Variants in KMT2E observed in about 807,000 individuals in gnomAD.
KMT2E encodes the protein lysine methyltransferase 2E (inactive).
A neutral mutation model predicts 184.6 loss-of-function variants in KMT2E; 30 were observed. The observed-to-expected ratio is 0.16, with a 90% CI of 0.12 to 0.22. KMT2E has a LOEUF of 0.22. Ranked by LOEUF, KMT2E falls within the 10% of genes least tolerant of loss-of-function variation. KMT2E has a pLI of 1.00. For missense variants in KMT2E, 2,023 were observed against 2,237.4 expected, an observed-to-expected ratio of 0.90 and a Z score of 1.93; for synonymous variants, 815 against 776.5, an observed-to-expected ratio of 1.05 and a Z score of -0.82.
chr7:105,076,625 C>T (rs2129568079), intron 9 of KMT2E, among the ~76,000 whole-genome samples: 1 of 152,328 alleles, frequency 6.6e-6, no homozygotes, highest in Non-Finnish European at 1.5e-5. Flanking sequence ...TCGCCTCTGT[C>T]TGACCCCAAA....
intron 6 of KMT2E, among the ~76,000 whole-genome samples, chr7:105,071,606 AT>A (rs1797316692): frequency 1.7e-5 from 1 of 58,714 alleles, no homozygotes; most frequent in Non-Finnish European, 3.0e-5. Flanking sequence ...ATATATATAT[AT>A]ATTTTTTTTT....
chr7:105,043,479 AC>A (rs1562887547), intron 3 of KMT2E, among the ~76,000 whole-genome samples: 1 of 151,212 alleles, frequency 6.6e-6, no homozygotes, highest in African/African-American at 2.4e-5. Context: ...CTCGTGATCC[AC>A]CCGCCTCGGC....
chr7:105,074,833 T>A lies in KMT2E; in HGVS notation c.729+18T>A, dbSNP rs749298914. 13 of 1,581,506 alleles carry A rather than the reference T, an allele frequency of 8.2e-6. No individual in the cohort carries two copies. The highest frequency in any genetic ancestry group is 1.8e-5 in the Admixed American group (1 of 55,640). ...GTAAAAAGGTACGTTTTTGCTTGTT[T>A]TTAGGTGAGTGGATAGGATAGCGGA... On this transcript the variant is annotated intron_variant, in intron 8 of 26. Transcript: ENST00000311117.
At chr7:105,087,780 T>TCATACC (rs1798043532) in intron 13 of KMT2E, among the ~76,000 whole-genome samples, 1 of 151,312 alleles carries the variant, frequency 6.6e-6, no homozygotes, top group African/African-American at 2.4e-5. Context: ...AATTGCCTGA[T>TCATACC]CATATCATCT....
At chr7:105,044,186 G>A (rs1267888285) in intron 3 of KMT2E, among the ~76,000 whole-genome samples, 1 of 152,060 alleles carries the variant, frequency 6.6e-6, no homozygotes, top group African/African-American at 2.4e-5. Context: ...AATTAAAGTG[G>A]TATAAATTTA....
At chr7:105,108,737 A>G (rs1799020507) in intron 22 of KMT2E, 1 of 549,534 alleles carries the variant, frequency 1.8e-6, no homozygotes, top group South Asian at 2.1e-5. Context: ...TGTGAGGATA[A>G]ATGAGATAAT....
intron 24 of KMT2E, 30 bp from the exon 25 acceptor site, chr7:105,110,447 C>G (rs747350491): frequency 3.7e-6 from 6 of 1,614,128 alleles, no homozygotes; most frequent in Non-Finnish European, 3.4e-6. Context: ...CTCTAATGTT[C>G]TCTTTGGGTC....
chr7:105,015,481 T>G lies in KMT2E; in HGVS notation c.-189+946T>G, dbSNP rs528700976. ...ACCTCGTTTTGCCTATTTTGTTCCC[T>G]TTTTAGAGATGTGAATAAGGTAAGG... On this transcript the variant is annotated intron_variant, in intron 1 of 26. Coordinates refer to ENST00000311117, the MANE Select transcript of KMT2E (RefSeq NM_182931.3). Among the ~76,000 whole-genome samples, 99 of 152,324 alleles carry G rather than the reference T, an allele frequency of 6.5e-4. 1 individual carries two copies. Among genetic ancestry groups the G allele is most frequent in the African/African-American group, 2.2e-3 (93 of 41,568 alleles).
Position 105,101,580 on chromosome 7 carries a change from AGT to A in KMT2E, c.1879_1880del (p.Val627TyrfsTer11). On this transcript the variant is annotated frameshift_variant, in exon 16 of 27. Coordinates refer to ENST00000311117, the MANE Select transcript of KMT2E (RefSeq NM_182931.3). LOFTEE classifies it high-confidence loss of function. ...KDTQIVSDAEVIQEQAKEENA... is the reference protein window; with the variant it reads ...KDTQIVSDAEXIQEQAKEENA... ...ATACACAGATTGTCAGTGATGCTGA[AGT>A]TATTCAGGTATTATTTATTCAGGTC... 1 of 1,543,376 alleles carries A rather than the reference AGT, an allele frequency of 6.5e-7. No homozygotes were observed. The highest frequency in any genetic ancestry group is 8.7e-7 in the Non-Finnish European group (1 of 1,153,962).
At chr7:105,065,632 C>A (rs929864306) in intron 5 of KMT2E, among the ~76,000 whole-genome samples, 2 of 152,086 alleles carry the variant, frequency 1.3e-5, no homozygotes, top group African/African-American at 2.4e-5. Context: ...AGCTTAACAA[C>A]AATTGTAACA....
Position 105,112,722 on chromosome 7 carries a change from G to C in KMT2E, c.4966G>C (p.Val1656Leu). 1 of 1,613,686 alleles carries C rather than the reference G, an allele frequency of 6.2e-7. No individual in the cohort carries two copies. The highest frequency in any genetic ancestry group is 8.5e-7 in the Non-Finnish European group (1 of 1,179,900). ...TCAGCAACACTCTGTAGCACATGTA[G>C]TAGGGCCTGTTCATGCGGTCACCCC... ...SHQQHSVAHV[V>L]GPVHAVTPGS... is the part of the protein sequence containing the mutation. Residue 1656 changes from valine (V) to leucine (L), a missense_variant, in exon 27 of 27, where the codon GTA (valine) becomes CTA (leucine). This residue lies in a region of KMT2E where 1,108 missense variants were observed against 1,050.9 expected (regional missense o/e 1.05). Transcript: ENST00000311117.
In KMT2E at chr7:105,074,683, T is replaced by C; in HGVS notation, c.597T>C (p.Pro199=). 6.3e-7 allele frequency: 1 copy of C among 1,585,848 alleles called. No individual in the cohort carries two copies. Among genetic ancestry groups the C allele is most frequent in the Non-Finnish European group, 8.6e-7 (1 of 1,166,514 alleles). Residue 199 remains proline, a synonymous_variant, in exon 8 of 27, where the codon CCT becomes CCC. Coordinates refer to ENST00000311117, the MANE Select transcript of KMT2E (RefSeq NM_182931.3). ...TSATESGDEV[P]VELYTAFQHT... ...CAACTGAGAGTGGTGATGAGGTTCCTGTGGAATTATATACTGCATTTCAGC... is the reference window on the plus strand; with the variant it reads ...CAACTGAGAGTGGTGATGAGGTTCCCGTGGAATTATATACTGCATTTCAGC...
rs1016692148 is a variant in KMT2E at position 105,112,637 on chromosome 7, CCCT to C, written c.4890_4892del (p.Pro1634del). The C allele has an allele frequency of 6.2e-6, 10 of 1,613,722 alleles. No homozygotes were observed. The highest frequency in any genetic ancestry group is 1.1e-5 in the South Asian group (1 of 91,066). On this transcript the variant is annotated inframe_deletion, in exon 27 of 27. Coordinates refer to ENST00000311117, the MANE Select transcript of KMT2E (RefSeq NM_182931.3). ...ATCAAACTGCTGCTGCCGTAGTCCCCCCTCCTCCTCCACCACCACCTGCTCCAG... is the reference window on the plus strand; with the variant it reads ...ATCAAACTGCTGCTGCCGTAGTCCCCCCTCCTCCACCACCACCTGCTCCAG...
intron 3 of KMT2E, among the ~76,000 whole-genome samples, chr7:105,047,581 A>G (rs1796158396): frequency 6.6e-6 from 1 of 152,224 alleles, no homozygotes; most frequent in Admixed American, 6.5e-5. Context: ...TGCCAGGTAA[A>G]TGTTTTACAT....
intron 1 of KMT2E, among the ~76,000 whole-genome samples, chr7:105,025,543 G>T (rs1795142690): frequency 6.6e-6 from 1 of 152,036 alleles, no homozygotes; most frequent in Non-Finnish European, 1.5e-5. Flanking sequence ...TAACCAATGT[G>T]CAGGATTAAT....
At chr7:105,022,546 C>G (rs1399403495) in intron 1 of KMT2E, among the ~76,000 whole-genome samples, 2 of 151,884 alleles carry the variant, frequency 1.3e-5, no homozygotes, top group African/African-American at 2.4e-5. Flanking sequence ...AGTAGTTTCT[C>G]TATTGTATAG....
chr7:105,026,484 A>T (rs548665777), intron 1 of KMT2E, among the ~76,000 whole-genome samples: 1 of 152,236 alleles, frequency 6.6e-6, no homozygotes, highest in African/African-American at 2.4e-5. Context: ...CATAGTAGCT[A>T]TTAATTTTGT....
intron 3 of KMT2E, among the ~76,000 whole-genome samples, chr7:105,048,591 T>C (rs1354669117): frequency 6.6e-6 from 1 of 152,232 alleles, no homozygotes; most frequent in Non-Finnish European, 1.5e-5. Context: ...GTGTGTGTTA[T>C]TGAAAATCCT....
intron 11 of KMT2E, 91 bp downstream of exon 11, chr7:105,077,524 T>C: frequency 1.0e-6 from 1 of 963,278 alleles, no homozygotes; most frequent in East Asian, 2.4e-5. Context: ...ATATGTACTT[T>C]TTTTCCTACA....
Sources: allele counts gnomAD v4.1 joint callset (sites outside exome capture counted in the v4.1 genomes callset), GRCh38; gene constraint gnomAD v4.1.1; regional missense constraint gnomAD v4.1.1; transcripts MANE v1.5; gene names NCBI Gene and HGNC (gene_info 2026-07-23, HGNC 2026-07-21).